ADCY8: variants seen among roughly 807,000 people sequenced by gnomAD.
ADCY8 encodes the protein adenylate cyclase 8.
ADCY8 carries 51 observed loss-of-function variants against 119.7 expected under a neutral mutation model. The ratio of observed to expected loss-of-function variants is 0.43; its 90% CI spans 0.34 to 0.54. The LOEUF is 0.54. Ranked by LOEUF, ADCY8 falls within the 20% of genes least tolerant of loss-of-function variation. The pLI is 0.03. For synonymous variants in ADCY8, 665 were observed against 651.0 expected (o/e 1.02, Z -0.33); for missense variants, 1,383 against 1,598.8 (o/e 0.87, Z 2.30).
At chr8:130,908,813 G>A (rs1291366667) in intron 6 of ADCY8, among the ~76,000 whole-genome samples, 1 of 152,094 alleles carries the variant, frequency 6.6e-6, no homozygotes, top group East Asian at 1.9e-4. Flanking sequence ...GTTTAGCAAG[G>A]GGCAGAGTGG....
At chr8:131,014,584 G>A (rs1181597263) in intron 1 of ADCY8, among the ~76,000 whole-genome samples, 1 of 152,064 alleles carries the variant, frequency 6.6e-6, no homozygotes, top group Non-Finnish European at 1.5e-5. Flanking sequence ...AGGATAAAAT[G>A]AGGCCACACA....
intron 5 of ADCY8, among the ~76,000 whole-genome samples, chr8:130,934,976 G>A (rs937106841): frequency 3.9e-5 from 6 of 152,110 alleles, no homozygotes; most frequent in African/African-American, 1.4e-4. Context: ...TGAGGCATAA[G>A]GCCTCTGAAA....
chr8:130,956,372 T>C (rs1227457865), intron 2 of ADCY8, among the ~76,000 whole-genome samples: 1 of 152,224 alleles, frequency 6.6e-6, no homozygotes, highest in Non-Finnish European at 1.5e-5. Flanking sequence ...CAATGCGTGC[T>C]ACTGTTCTTC....
At chr8:130,905,038 G>A (rs1819735297) in intron 6 of ADCY8, among the ~76,000 whole-genome samples, 1 of 152,128 alleles carries the variant, frequency 6.6e-6, no homozygotes. Flanking sequence ...CTTTCTATCA[G>A]TCCATTTTCT....
At chr8:130,804,783 A>G (rs893042216) in intron 14 of ADCY8, among the ~76,000 whole-genome samples, 9 of 152,120 alleles carry the variant, frequency 5.9e-5, no homozygotes, top group Admixed American at 4.6e-4. Context: ...GTCTCACTCT[A>G]TTGCCCAGGC....
At chr8:130,808,737 T>C (rs987697348) in intron 14 of ADCY8, among the ~76,000 whole-genome samples, 1 of 152,154 alleles carries the variant, frequency 6.6e-6, no homozygotes, top group African/African-American at 2.4e-5. Context: ...TTCAGCAAGG[T>C]CGGTATTATT....
chr8:130,982,422 A>G (rs1157822), intron 2 of ADCY8, among the ~76,000 whole-genome samples: 28,371 of 152,250 alleles, frequency 0.19, 5,442 homozygotes, highest in African/African-American at 0.49. Flanking sequence ...GCGTTGGTGA[A>G]ATTTTCACAG....
chr8:130,975,357 A>C (rs1426616039), intron 2 of ADCY8, among the ~76,000 whole-genome samples: 1 of 152,226 alleles, frequency 6.6e-6, no homozygotes, highest in Non-Finnish European at 1.5e-5. Context: ...TTCAATAAAC[A>C]GTAGTCATGC....
intron 7 of ADCY8, among the ~76,000 whole-genome samples, chr8:130,886,253 G>C (rs1285228907): frequency 6.6e-6 from 1 of 152,096 alleles, no homozygotes; most frequent in Non-Finnish European, 1.5e-5. Flanking sequence ...GTGCCAACAT[G>C]AGAAAGCAAA....
At chr8:130,889,595 A>T (rs1455172245) in intron 7 of ADCY8, among the ~76,000 whole-genome samples, 1 of 152,150 alleles carries the variant, frequency 6.6e-6, no homozygotes, top group African/African-American at 2.4e-5. Context: ...CAAGATCTAC[A>T]TCCATCTCCC....
At chr8:130,909,025 CCA>C (rs1819887034) in intron 6 of ADCY8, among the ~76,000 whole-genome samples, 1 of 94,252 alleles carries the variant, frequency 1.1e-5, no homozygotes, top group Non-Finnish European at 2.8e-5. Flanking sequence ...CTATCTCCAT[CCA>C]TCCATCCATC....
chr8:130,949,848 T>A (rs28576995), intron 3 of ADCY8, among the ~76,000 whole-genome samples: 1 of 152,142 alleles, frequency 6.6e-6, no homozygotes, highest in South Asian at 2.1e-4. Flanking sequence ...GTTCTTATTA[T>A]GTGTGGGACC....
chr8:130,872,843 T>C (rs142795141), intron 8 of ADCY8, among the ~76,000 whole-genome samples: 7 of 152,358 alleles, frequency 4.6e-5, no homozygotes, highest in African/African-American at 9.6e-5. Flanking sequence ...CCTGTTTGAT[T>C]TGATGAAGTT....
In ADCY8 at chr8:130,959,577, G is replaced by A. The variant is rs182239382; in HGVS notation, c.1111-7579C>T. ...TTGAGGTAGTAATCAAATAAGCATA[G>A]TAATAATTATACAATTACATCTGTA... is the stretch of plus-strand genomic sequence containing the variant. On this transcript the variant is annotated intron_variant, in intron 2 of 17. Coordinates refer to ENST00000286355, the MANE Select transcript of ADCY8 (RefSeq NM_001115.3). 5.3e-5 allele frequency among the ~76,000 whole-genome samples: 8 copies of A among 152,296 alleles called. No homozygotes were observed. The East Asian group carries it at 9.6e-4, about 18-fold the overall frequency.
chr8:130,953,807 C>A (rs867224007), intron 2 of ADCY8, among the ~76,000 whole-genome samples: 14 of 152,174 alleles, frequency 9.2e-5, no homozygotes, highest in African/African-American at 3.1e-4. Context: ...ATGCAAAAGG[C>A]TTTATTAATG....
At chr8:130,801,706 G>A (rs1480645484) in intron 14 of ADCY8, among the ~76,000 whole-genome samples, 1 of 152,054 alleles carries the variant, frequency 6.6e-6, no homozygotes, top group Non-Finnish European at 1.5e-5. Flanking sequence ...ATCTCAGACT[G>A]GAATGAAATG....
chr8:130,936,073 A>ATGTGTGTGTG (rs35028784), intron 5 of ADCY8, among the ~76,000 whole-genome samples: 2,023 of 147,134 alleles, frequency 0.014, 21 homozygotes, highest in African/African-American at 0.03. Context: ...AAGCACTGAC[A>ATGTGTGTGTG]TGTGTGTGTG....
intron 11 of ADCY8, among the ~76,000 whole-genome samples, chr8:130,844,735 A>C (rs924129481): frequency 1.3e-5 from 2 of 152,238 alleles, no homozygotes; most frequent in African/African-American, 4.8e-5. Context: ...CTGGTGGGTC[A>C]GATCAGGTGG....
chr8:131,008,180 A>G (rs774617503), intron 1 of ADCY8, among the ~76,000 whole-genome samples: 26 of 152,310 alleles, frequency 1.7e-4, no homozygotes, highest in Non-Finnish European at 2.5e-4. Context: ...ATGCTGAAGC[A>G]AAGACAAGTT....
Sources: allele counts gnomAD v4.1 joint callset (sites outside exome capture counted in the v4.1 genomes callset), GRCh38; gene constraint gnomAD v4.1.1; transcripts MANE v1.5; gene names NCBI Gene and HGNC (gene_info 2026-07-23, HGNC 2026-07-21).